Variants in ATP8B4 observed in about 807,000 individuals in gnomAD.
ATP8B4 encodes ATPase phospholipid transporting 8B4 (putative), also known as probable phospholipid-transporting ATPase IM.
ATP8B4 carries 133 observed loss-of-function variants against 145.6 expected under a neutral mutation model. The observed-to-expected ratio is 0.91, with a 90% CI of 0.79 to 1.05. The LOEUF is 1.05. Among genes scored for constraint, ATP8B4 ranks in the 50% least tolerant of loss-of-function variants. The probability of loss-of-function intolerance (pLI) is 0.00; values close to 1 mark genes in which losing one functional copy is unlikely to be tolerated. For missense variants in ATP8B4, 1,458 were observed against 1,425.2 expected (o/e 1.02, Z -0.37); for synonymous variants, 507 against 492.9 (o/e 1.03, Z -0.38).
chr15:50,173,841 A>C lies in ATP8B4; in HGVS notation c.-43+8420T>G, dbSNP rs2044724365. Among the ~76,000 whole-genome samples the C allele has an allele frequency of 4.6e-5, 7 of 152,332 alleles. No homozygotes were observed. In the South Asian group the frequency reaches 1.4e-3, roughly 32 times the overall value. On this transcript the variant is annotated intron_variant, in intron 1 of 3. Transcript: ENST00000558829. ...AAAACCAGGAAAGGACATAACCAAA[A>C]GAAGAAAACTATAGGCCGATATCCT...
intron 1 of ATP8B4, among the ~76,000 whole-genome samples, chr15:50,156,300 G>A (rs1273962125): frequency 6.6e-6 from 1 of 151,530 alleles, no homozygotes; most frequent in Non-Finnish European, 1.5e-5. Context: ...ATTGCTCTGA[G>A]AGCCTAACTT....
chr15:50,111,561 C>G (rs574836938), intron 1 of ATP8B4, among the ~76,000 whole-genome samples: 1 of 152,324 alleles, frequency 6.6e-6, no homozygotes, highest in East Asian at 1.9e-4. Context: ...TCCAAGAGAA[C>G]AGCCCTCGGA....
At chr15:50,157,927 G>A (rs562749436) in intron 1 of ATP8B4, among the ~76,000 whole-genome samples, 19 of 152,264 alleles carry the variant, frequency 1.2e-4, no homozygotes, top group African/African-American at 3.9e-4. Flanking sequence ...ACTGGTTTTC[G>A]TATTTTTTTG....
intron 3 of ATP8B4, among the ~76,000 whole-genome samples, chr15:50,062,347 T>C (rs978843430): frequency 1.3e-5 from 2 of 152,146 alleles, no homozygotes; most frequent in Non-Finnish European, 2.9e-5. Context: ...TTTCACCATG[T>C]GATGTGCCTG....
intron 1 of ATP8B4, among the ~76,000 whole-genome samples, chr15:50,139,250 T>C (rs1162565452): frequency 6.6e-6 from 1 of 152,136 alleles, no homozygotes; most frequent in Non-Finnish European, 1.5e-5. Context: ...AAGAATACCA[T>C]GCAGCCATAA....
At chr15:49,887,128 A>C (rs2036282559) in intron 23 of ATP8B4, among the ~76,000 whole-genome samples, 1 of 152,104 alleles carries the variant, frequency 6.6e-6, no homozygotes, top group African/African-American at 2.4e-5. Context: ...TTTCTTCTAC[A>C]ACAGGTTTCT....
chr15:50,007,966 T>A (rs912175136), intron 7 of ATP8B4, among the ~76,000 whole-genome samples: 1 of 152,152 alleles, frequency 6.6e-6, no homozygotes, highest in Non-Finnish European at 1.5e-5. Flanking sequence ...AGAACTACAT[T>A]TGTAGGAGTC....
chr15:49,897,380 C>G lies in ATP8B4; in HGVS notation c.2609G>C (p.Cys870Ser). The change falls in exon 23 of 28, where the codon TGC becomes TCC. Residue 870 changes from cysteine to serine, a missense_variant. Cys to Ser is a moderately radical substitution (Grantham distance 112). Transcript: ENST00000284509. The stretch of plus-strand genomic sequence containing the variant: ...ATAGAAGAAATAGCATAAGAATTTG[C>G]ACATTCGGAAATAAGACCACCTTCC... The part of the protein sequence containing the change: ...VHGRWSYFRM[C>S]KFLCYFFYKN... 1 of 1,613,888 alleles carries G rather than the reference C, an allele frequency of 6.2e-7. No individual in the cohort carries two copies. Among genetic ancestry groups the G allele is most frequent in the Non-Finnish European group, 8.5e-7 (1 of 1,179,854 alleles).
chr15:49,886,843 T>A (rs969550717), intron 23 of ATP8B4, among the ~76,000 whole-genome samples: 2 of 151,268 alleles, frequency 1.3e-5, no homozygotes, highest in African/African-American at 2.4e-5. Context: ...AGAGTTTCAC[T>A]CTTTTGCCCA....
chr15:49,952,557 G>T (rs749439464), intron 14 of ATP8B4, among the ~76,000 whole-genome samples: 7 of 152,104 alleles, frequency 4.6e-5, no homozygotes, highest in Admixed American at 3.9e-4. Context: ...GGTCATTTAT[G>T]TTCCTCTCTA....
At chr15:50,117,848 A>G (rs1397218425) in intron 1 of ATP8B4, among the ~76,000 whole-genome samples, 2 of 152,256 alleles carry the variant, frequency 1.3e-5, no homozygotes, top group Non-Finnish European at 2.9e-5. Flanking sequence ...TATCATTTGC[A>G]GCAACATGGA....
At chr15:49,924,662 C>G (rs2040554226) in intron 16 of ATP8B4, among the ~76,000 whole-genome samples, 1 of 152,188 alleles carries the variant, frequency 6.6e-6, no homozygotes, top group Non-Finnish European at 1.5e-5. Flanking sequence ...CTAGTTTCCT[C>G]CTGGCTTACA....
intron 14 of ATP8B4, among the ~76,000 whole-genome samples, chr15:49,949,423 C>T (rs1183097027): frequency 6.6e-6 from 1 of 151,962 alleles, no homozygotes; most frequent in South Asian, 2.1e-4. Flanking sequence ...TTATTCTCTT[C>T]GTAGTGATTG....
chr15:50,131,691 A>G (rs1435642673), intron 1 of ATP8B4, among the ~76,000 whole-genome samples: 1 of 150,760 alleles, frequency 6.6e-6, no homozygotes, highest in Non-Finnish European at 1.5e-5. Flanking sequence ...TATACTTCAA[A>G]CTCTTAGTAG....
chr15:50,070,369 C>A (rs2053647976), intron 3 of ATP8B4, among the ~76,000 whole-genome samples: 1 of 152,120 alleles, frequency 6.6e-6, no homozygotes, highest in East Asian at 1.9e-4. Context: ...TAGACTAGCT[C>A]ATAGGGTTGT....
intron 1 of ATP8B4, among the ~76,000 whole-genome samples, chr15:50,147,873 G>A (rs1288525607): frequency 6.6e-6 from 1 of 152,092 alleles, no homozygotes; most frequent in Admixed American, 6.6e-5. Context: ...ATAGATTCAG[G>A]CAAGGATCAT....
At chr15:50,100,773 T>C (rs1234874332) in intron 2 of ATP8B4, among the ~76,000 whole-genome samples, 1 of 152,190 alleles carries the variant, frequency 6.6e-6, no homozygotes, top group Admixed American at 6.5e-5. Flanking sequence ...AGGAAGCGAA[T>C]GCAGACACAG....
intron 23 of ATP8B4, among the ~76,000 whole-genome samples, chr15:49,889,312 C>T (rs549664070): frequency 6.6e-6 from 1 of 152,174 alleles, no homozygotes; most frequent in Non-Finnish European, 1.5e-5. Flanking sequence ...CTCAATGTCC[C>T]TGAAATTCTC....
At chr15:50,085,954 C>G (rs1221634628) in intron 2 of ATP8B4, among the ~76,000 whole-genome samples, 4 of 29,692 alleles carry the variant, frequency 1.3e-4, no homozygotes, top group African/African-American at 6.8e-4. Context: ...TGATATATAT[C>G]ATATATATTT....
Sources: gnomAD v4.1 joint callset for allele counts (sites outside exome capture counted in the v4.1 genomes callset) on GRCh38, gnomAD v4.1.1 for gene constraint, MANE v1.5 for transcripts, NCBI Gene and HGNC (gene_info 2026-07-23, HGNC 2026-07-21) for gene names.